Variants in KCNQ2 observed in about 807,000 individuals in gnomAD.
KCNQ2 encodes potassium voltage-gated channel subfamily KQT member 2.
A neutral mutation model predicts 84.8 loss-of-function variants in KCNQ2; 14 were observed. The ratio of observed to expected loss-of-function variants is 0.17; its 90% CI spans 0.11 to 0.26. The LOEUF (loss-of-function observed/expected upper bound fraction) is 0.26, where lower values mean the gene tolerates loss of function less well. KCNQ2 is among the 10% of genes least tolerant of loss of function. The probability of loss-of-function intolerance (pLI) is 1.00; values close to 1 mark genes in which losing one functional copy is unlikely to be tolerated. For synonymous variants in KCNQ2, 599 were observed against 554.1 expected (o/e 1.08, Z -1.14); for missense variants, 788 against 1,254.0 (o/e 0.63, Z 5.61).
intron 12 of KCNQ2, among the ~76,000 whole-genome samples, chr20:63,417,866 AG>A (rs1403771670): frequency 1.3e-5 from 2 of 152,080 alleles, no homozygotes; most frequent in Non-Finnish European, 2.9e-5. Context: ...GCACAGCCCC[AG>A]GGGCCGCCGG....
At position 63,406,645 on chromosome 20, in the gene KCNQ2, C is replaced by T. The variant is rs1327616832; in HGVS notation, c.2618G>A (p.Ter873=). 2 of 1,589,868 alleles carry T rather than the reference C, an allele frequency of 1.3e-6. No homozygotes were observed. Among genetic ancestry groups the T allele is most frequent in the Non-Finnish European group, 8.5e-7 (1 of 1,172,912 alleles). The change falls in exon 17 of 17, where the codon TGA becomes TAA. Residue 873 remains the stop codon, a stop_retained_variant. Transcript: ENST00000359125. Reference sequence around the variant, plus strand: ...CGGGTCCACTGGCCCAGCGCCGCCTCACTTCCTGGGCCCGGCCCAGCCCAC... The same window carrying T: ...CGGGTCCACTGGCCCAGCGCCGCCTTACTTCCTGGGCCCGGCCCAGCCCAC... ...GDVGWAGPRK[*]
Position 63,446,761 on chromosome 20 carries a change from C to T in KCNQ2, c.373G>A (p.Ala125Thr). 2.5e-6 allele frequency: 4 copies of T among 1,613,294 alleles called. No individual in the cohort carries two copies. The highest frequency in any genetic ancestry group is 3.4e-6 in the Non-Finnish European group (4 of 1,179,786). Residue 125 changes from alanine to threonine, a missense_variant, in exon 2 of 17, where the codon GCC (alanine) becomes ACC (threonine). Transcript: ENST00000359125. The surrounding 1 kb of genome is among the most constrained non-coding windows in gnomAD (Gnocchi z 5.5). ...IKEYEKSSEG[A>T]LYILEIVTIV... Reference sequence around the variant, plus strand: ...TCGGGGCTCACCAGGATGTAGAGGGCCCCCTCCGAGCTCTTCTCATACTCC... The same window carrying T: ...TCGGGGCTCACCAGGATGTAGAGGGTCCCCTCCGAGCTCTTCTCATACTCC...
intron 1 of KCNQ2, among the ~76,000 whole-genome samples, chr20:63,471,486 G>A (rs2082212511): frequency 6.6e-6 from 1 of 152,172 alleles, no homozygotes; most frequent in East Asian, 1.9e-4. Context: ...TGCCAAGGAG[G>A]GGTCCTGAGC....
At chr20:63,468,695 G>A (rs779377182) in intron 1 of KCNQ2, among the ~76,000 whole-genome samples, 14 of 152,256 alleles carry the variant, frequency 9.2e-5, no homozygotes, top group Non-Finnish European at 1.8e-4. Flanking sequence ...CCCCAGCTGA[G>A]GCCTGGCGCA....
intron 7 of KCNQ2, among the ~76,000 whole-genome samples, chr20:63,435,168 C>T (rs6090419): frequency 6.6e-6 from 1 of 152,190 alleles, no homozygotes; most frequent in African/African-American, 2.4e-5. Flanking sequence ...GCAGGTGGAT[C>T]GCCTGAGCCC....
At chr20:63,463,448 C>A (rs1055057251) in intron 1 of KCNQ2, among the ~76,000 whole-genome samples, 4 of 152,100 alleles carry the variant, frequency 2.6e-5, no homozygotes, top group Non-Finnish European at 5.9e-5. Context: ...TTCCCCAGGG[C>A]TCAGCCTCCA....
chr20:63,439,551 A>G (rs2145718007), intron 6 of KCNQ2, 47 bp downstream of exon 6: 2 of 1,445,228 alleles, frequency 1.4e-6, no homozygotes, highest in African/African-American at 1.4e-5. Context: ...TCGGGAGCCT[A>G]CAAGACCTCG....
In KCNQ2 at chr20:63,451,053, G is replaced by A. The variant is rs557914389; in HGVS notation, c.297-4216C>T. 6.0e-5 allele frequency among the ~76,000 whole-genome samples: 9 copies of A among 151,234 alleles called. No individual in the cohort carries two copies. In the South Asian group the frequency reaches 1.7e-3, roughly 28 times the overall value. On this transcript the variant is annotated intron_variant, in intron 1 of 16. Transcript: ENST00000359125. ...CTTGGAAGGCTGAGGCAGAAGAATC[G>A]CTTGAACCCAGGAGGCGGAGGCTGC...
chr20:63,429,484 T>C (rs2080730693), intron 9 of KCNQ2, among the ~76,000 whole-genome samples: 1 of 152,094 alleles, frequency 6.6e-6, no homozygotes, highest in Non-Finnish European at 1.5e-5. Context: ...TACGCGGCTA[T>C]GGCCACGGCC....
chr20:63,432,960 G>C (rs1255467756), intron 8 of KCNQ2, among the ~76,000 whole-genome samples: 1 of 152,198 alleles, frequency 6.6e-6, no homozygotes, highest in South Asian at 2.1e-4. Context: ...GCGGGAGCTG[G>C]GAAGTCCCGG....
chr20:63,432,746 C>A (rs79209718), intron 8 of KCNQ2, among the ~76,000 whole-genome samples: 1,281 of 108,920 alleles, frequency 0.012, no homozygotes, highest in Admixed American at 0.019. Context: ...TCAGGGAAGG[C>A]TCCACCCACA....
chr20:63,435,007 A>G (rs368140238), intron 7 of KCNQ2, among the ~76,000 whole-genome samples: 1 of 152,224 alleles, frequency 6.6e-6, no homozygotes, highest in Admixed American at 6.5e-5. Flanking sequence ...TCTGAGAAAC[A>G]ACCGAACTGC....
chr20:63,436,863 G>A (rs570409747), intron 7 of KCNQ2, among the ~76,000 whole-genome samples: 15 of 143,228 alleles, frequency 1.0e-4, no homozygotes, highest in African/African-American at 3.7e-4. Context: ...TGCAACCTCC[G>A]TCTCCCGGGT....
At chr20:63,467,663 T>A (rs2082115654) in intron 1 of KCNQ2, among the ~76,000 whole-genome samples, 1 of 152,196 alleles carries the variant, frequency 6.6e-6, no homozygotes, top group South Asian at 2.1e-4. Flanking sequence ...GATTCATTTG[T>A]TTATTGACTA....
intron 7 of KCNQ2, among the ~76,000 whole-genome samples, chr20:63,437,880 G>T (rs1235103655): frequency 2.0e-5 from 3 of 152,186 alleles, no homozygotes; most frequent in Non-Finnish European, 4.4e-5. Context: ...CGTGATCTCG[G>T]CTCACTGCAA....
At chr20:63,471,419 C>T (rs2145916832) in intron 1 of KCNQ2, among the ~76,000 whole-genome samples, 1 of 152,356 alleles carries the variant, frequency 6.6e-6, no homozygotes, top group South Asian at 2.1e-4. Flanking sequence ...ACAGCCCCTT[C>T]CAGGCCCAGG....
intron 2 of KCNQ2, among the ~76,000 whole-genome samples, chr20:63,445,895 A>G (rs368655753): frequency 0.01 from 111 of 10,616 alleles, no homozygotes; most frequent in African/African-American, 0.014. Context: ...CTGAGCTGGG[A>G]GGCCCTGTCT....
chr20:63,418,347 G>A (rs2080363342), intron 12 of KCNQ2, among the ~76,000 whole-genome samples: 3 of 152,154 alleles, frequency 2.0e-5, no homozygotes, highest in African/African-American at 4.8e-5. Flanking sequence ...ATCCCCACCC[G>A]GCCTGCCACC....
At chr20:63,455,070 GAA>G (rs981377708) in intron 1 of KCNQ2, among the ~76,000 whole-genome samples, 4 of 152,232 alleles carry the variant, frequency 2.6e-5, no homozygotes, top group Non-Finnish European at 5.9e-5. Context: ...GGAAAAGAAA[GAA>G]GAGACTTCCT....
Sources: allele counts gnomAD v4.1 joint callset (sites outside exome capture counted in the v4.1 genomes callset), GRCh38; gene constraint gnomAD v4.1.1; non-coding constraint Gnocchi (gnomAD v3.1); transcripts MANE v1.5; gene names NCBI Gene and HGNC (gene_info 2026-07-23, HGNC 2026-07-21).